MAGI2: variants seen among roughly 807,000 people sequenced by gnomAD.
MAGI2 encodes membrane associated guanylate kinase, WW and PDZ domain containing 2.
In MAGI2, 35 loss-of-function variants were observed where a neutral mutation model predicts 133.3. The observed-to-expected ratio is 0.26, with a 90% CI of 0.20 to 0.35. The LOEUF is 0.35. Among genes scored for constraint, MAGI2 ranks in the 10% least tolerant of loss-of-function variants. The pLI is 1.00. For synonymous variants in MAGI2, 729 were observed against 710.6 expected (o/e 1.03, Z -0.41); for missense variants, 1,636 against 1,863.4 (o/e 0.88, Z 2.25).
At chr7:78,608,298 CCCTTCCATG>C (rs1425059523) in intron 3 of MAGI2, among the ~76,000 whole-genome samples, 3 of 152,122 alleles carry the variant, frequency 2.0e-5, no homozygotes, top group Non-Finnish European at 4.4e-5. Flanking sequence ...CACTCTTCTA[CCCTTCCATG>C]CCTTCCCCTG....
intron 20 of MAGI2, among the ~76,000 whole-genome samples, chr7:78,107,275 A>G (rs1019595561): frequency 2.0e-5 from 3 of 152,114 alleles, no homozygotes; most frequent in African/African-American, 7.2e-5. Flanking sequence ...TATAATTTGA[A>G]TAATGTGACC....
intron 1 of MAGI2, among the ~76,000 whole-genome samples, chr7:79,049,714 C>G (rs1413578018): frequency 6.7e-6 from 1 of 150,356 alleles, no homozygotes; most frequent in Non-Finnish European, 1.5e-5. Context: ...ATTTTACTAC[C>G]TCTCATATTT....
At chr7:78,892,704 C>G (rs1437019324) in intron 2 of MAGI2, among the ~76,000 whole-genome samples, 1 of 152,184 alleles carries the variant, frequency 6.6e-6, no homozygotes, top group African/African-American at 2.4e-5. Flanking sequence ...GGATCCCTTC[C>G]TTACACCTTA....
chr7:79,071,762 G>A (rs1265232602), intron 1 of MAGI2, among the ~76,000 whole-genome samples: 1 of 152,016 alleles, frequency 6.6e-6, no homozygotes, highest in African/African-American at 2.4e-5. Flanking sequence ...TTTACACTGT[G>A]AGGGGAAAAC....
chr7:79,213,325 T>TGC (rs1829675255), intron 1 of MAGI2, among the ~76,000 whole-genome samples: 1 of 145,398 alleles, frequency 6.9e-6, no homozygotes, highest in Non-Finnish European at 1.5e-5. Context: ...CGTACACACG[T>TGC]ACACACACAC....
chr7:79,342,697 C>T (rs139627465), intron 1 of MAGI2, among the ~76,000 whole-genome samples: 1 of 152,042 alleles, frequency 6.6e-6, no homozygotes. Flanking sequence ...GTTCAAAACA[C>T]TAGTCTCTTC....
intron 6 of MAGI2, among the ~76,000 whole-genome samples, chr7:78,478,651 C>T (rs1792032811): frequency 6.6e-6 from 1 of 151,794 alleles, no homozygotes; most frequent in Admixed American, 6.6e-5. Flanking sequence ...TTTCCCATTT[C>T]CTCCTCTCCA....
chr7:78,913,550 C>T (rs1034446820), intron 2 of MAGI2, among the ~76,000 whole-genome samples: 4 of 152,106 alleles, frequency 2.6e-5, no homozygotes, highest in African/African-American at 7.2e-5. Context: ...TTCTTTATGG[C>T]AATGCAAGAA....
intron 4 of MAGI2, among the ~76,000 whole-genome samples, chr7:78,514,241 A>G (rs1795851768): frequency 6.6e-6 from 1 of 150,912 alleles, no homozygotes; most frequent in African/African-American, 2.4e-5. Flanking sequence ...AATCACTATA[A>G]TAGTTTAATA....
intron 1 of MAGI2, among the ~76,000 whole-genome samples, chr7:79,310,586 G>A (rs118094571): frequency 0.024 from 3,715 of 152,224 alleles, 58 homozygotes; most frequent in Non-Finnish European, 0.034. Flanking sequence ...TAAAGAGGGA[G>A]TTAGTGAAGC....
At chr7:78,938,344 T>C (rs1800687061) in intron 2 of MAGI2, among the ~76,000 whole-genome samples, 1 of 152,096 alleles carries the variant, frequency 6.6e-6, no homozygotes, top group Non-Finnish European at 1.5e-5. Flanking sequence ...GTTGTGTTCT[T>C]GACAATGATA....
intron 5 of MAGI2, among the ~76,000 whole-genome samples, chr7:78,497,108 C>A (rs533534883): frequency 1.3e-5 from 2 of 152,230 alleles, no homozygotes; most frequent in East Asian, 3.9e-4. Flanking sequence ...TTTGAATTCA[C>A]ATATTCTCAT....
chr7:78,114,330 C>G (rs190355252), intron 20 of MAGI2, among the ~76,000 whole-genome samples: 67 of 152,314 alleles, frequency 4.4e-4, no homozygotes, highest in African/African-American at 1.5e-3. Context: ...AGTCCTCAAA[C>G]AGATAAACTC....
intron 1 of MAGI2, among the ~76,000 whole-genome samples, chr7:79,249,291 A>G (rs894978668): frequency 2.6e-5 from 4 of 152,180 alleles, no homozygotes; most frequent in African/African-American, 9.6e-5. Context: ...AATGATAAAG[A>G]TCAGAGGAGA....
At chr7:78,848,763 G>C (rs1254564543) in intron 2 of MAGI2, among the ~76,000 whole-genome samples, 3 of 151,996 alleles carry the variant, frequency 2.0e-5, no homozygotes, top group African/African-American at 7.2e-5. Context: ...TTGACACTAA[G>C]GTCTCTGCCA....
chr7:79,130,924 CATTCATTCATTT>C (rs1028109219), intron 1 of MAGI2, among the ~76,000 whole-genome samples: 4 of 152,042 alleles, frequency 2.6e-5, no homozygotes, highest in African/African-American at 7.2e-5. Context: ...TTCATTCATT[CATTCATTCATTT>C]ATTCATTCAC....
intron 2 of MAGI2, among the ~76,000 whole-genome samples, chr7:78,745,871 G>A (rs1044958234): frequency 5.3e-5 from 8 of 152,132 alleles, no homozygotes; most frequent in African/African-American, 1.9e-4. Flanking sequence ...TTTATGAGTT[G>A]ATAGTGGTAT....
chr7:79,366,501 A>T (rs992391337), intron 1 of MAGI2, among the ~76,000 whole-genome samples: 14 of 152,130 alleles, frequency 9.2e-5, no homozygotes, highest in African/African-American at 3.1e-4. Context: ...ATGAAAACCT[A>T]CTGAGCTAAT....
intron 6 of MAGI2, among the ~76,000 whole-genome samples, chr7:78,479,847 G>T (rs1323183549): frequency 6.6e-6 from 1 of 151,780 alleles, no homozygotes; most frequent in African/African-American, 2.4e-5. Flanking sequence ...TCATAAAATT[G>T]CTTTAACAAG....
Sources: gnomAD v4.1 joint callset for allele counts (sites outside exome capture counted in the v4.1 genomes callset) on GRCh38, gnomAD v4.1.1 for gene constraint, MANE v1.5 for transcripts, NCBI Gene and HGNC (gene_info 2026-07-23, HGNC 2026-07-21) for gene names.